DOCK2: variants seen among roughly 807,000 people sequenced by gnomAD.
DOCK2 encodes dedicator of cytokinesis protein 2.
Under a neutral mutation model 248.9 loss-of-function variants are expected in DOCK2, and 87 were observed. That is an observed-to-expected ratio of 0.35 (90% CI 0.29 to 0.42). The LOEUF is 0.42. Ranked by LOEUF, DOCK2 falls within the 10% of genes least tolerant of loss-of-function variation. The probability of loss-of-function intolerance (pLI) is 1.00; values close to 1 mark genes in which losing one functional copy is unlikely to be tolerated. For synonymous variants in DOCK2, 805 were observed against 821.6 expected (o/e 0.98, Z 0.35); for missense variants, 1,747 against 2,300.2 (o/e 0.76, Z 4.92).
chr5:170,069,646 G>C (rs1437841683), intron 46 of DOCK2, among the ~76,000 whole-genome samples: 2 of 152,076 alleles, frequency 1.3e-5, no homozygotes, highest in Non-Finnish European at 2.9e-5. Context: ...GACCCACTTT[G>C]TTGCAATAAT....
rs565407045 is a variant in DOCK2, at chr5:169,781,085, T to G, written c.2554+19460T>G. Among the ~76,000 whole-genome samples, 13 of 152,290 alleles carry G rather than the reference T, an allele frequency of 8.5e-5. No individual in the cohort carries two copies. The South Asian group carries it at 2.7e-3, about 32-fold the overall frequency. The stretch of plus-strand genomic sequence containing the variant: ...GGGCGGAAACCAGCCTTGGACAGGA[T>G]GCCATTCCGTCACGAGGTGCACTCA... On this transcript the variant is annotated intron_variant, in intron 25 of 51. Transcript: ENST00000520908.
chr5:169,884,041 GA>G (rs1772829734), intron 27 of DOCK2: 3 of 704,336 alleles, frequency 4.3e-6, no homozygotes, highest in Non-Finnish European at 6.3e-6. Flanking sequence ...CTTAGTATGG[GA>G]AATCCTGTTG....
chr5:169,942,236 G>A (rs1180635271), intron 27 of DOCK2, among the ~76,000 whole-genome samples: 2 of 152,150 alleles, frequency 1.3e-5, no homozygotes, highest in African/African-American at 4.8e-5. Context: ...CAACTGTCAA[G>A]GCAATAAAAA....
chr5:169,683,139 A>G (rs35174648), intron 7 of DOCK2, among the ~76,000 whole-genome samples: 49,537 of 152,142 alleles, frequency 0.33, 8,282 homozygotes, highest in Middle Eastern at 0.46. Context: ...CTTTTGGGCA[A>G]TACTTAGCAG....
chr5:170,031,201 G>A (rs968541794), intron 34 of DOCK2, among the ~76,000 whole-genome samples: 6 of 152,208 alleles, frequency 3.9e-5, no homozygotes, highest in African/African-American at 1.4e-4. Flanking sequence ...GAAGGTTGAA[G>A]CAGATAGATG....
intron 44 of DOCK2, among the ~76,000 whole-genome samples, chr5:170,060,661 G>A (rs1014380504): frequency 1.3e-5 from 2 of 152,200 alleles, no homozygotes; most frequent in African/African-American, 2.4e-5. Context: ...GGTCATGAGA[G>A]AGCACCTGTC....
At chr5:169,881,543 A>G in intron 27 of DOCK2, 1 of 867,084 alleles carries the variant, frequency 1.2e-6, no homozygotes, top group Admixed American at 2.1e-5. Flanking sequence ...CACAGCATTC[A>G]CGGTGCTCTG....
chr5:170,033,861 C>T lies in DOCK2; in HGVS notation c.3468-538C>T, dbSNP rs556565632. On this transcript the variant is annotated intron_variant, in intron 34 of 51. Transcript: ENST00000520908. ...CTTTTCATGCCCAGACATATTGAAT[C>T]TCTCCAATATTTTTAATGTCTTCAT... Among the ~76,000 whole-genome samples, 15 of 152,318 alleles carry T rather than the reference C, an allele frequency of 9.8e-5. No individual in the cohort carries two copies. In the South Asian group the frequency reaches 3.1e-3, roughly 32 times the overall value.
chr5:169,935,301 A>T (rs563024580), intron 27 of DOCK2, among the ~76,000 whole-genome samples: 3 of 152,266 alleles, frequency 2.0e-5, no homozygotes, highest in African/African-American at 7.2e-5. Flanking sequence ...ACTCGACCAA[A>T]AAAAGGTCTC....
At chr5:169,899,229 A>T (rs1469836410) in intron 27 of DOCK2, among the ~76,000 whole-genome samples, 1 of 152,216 alleles carries the variant, frequency 6.6e-6, no homozygotes, top group Non-Finnish European at 1.5e-5. Context: ...ATTGAACCAC[A>T]GCCTCCTTTT....
intron 1 of DOCK2, among the ~76,000 whole-genome samples, chr5:169,641,452 G>C (rs180947937): frequency 6.6e-6 from 1 of 152,220 alleles, no homozygotes; most frequent in Non-Finnish European, 1.5e-5. Context: ...CAGATTTGGC[G>C]TGGGCAATGT....
intron 25 of DOCK2, among the ~76,000 whole-genome samples, chr5:169,765,328 G>T (rs989246360): frequency 6.6e-6 from 1 of 152,148 alleles, no homozygotes; most frequent in Non-Finnish European, 1.5e-5. Flanking sequence ...CACCAGCCAG[G>T]TTCCCACATG....
At chr5:170,011,857 G>T (rs1228822085) in intron 32 of DOCK2, among the ~76,000 whole-genome samples, 1 of 152,210 alleles carries the variant, frequency 6.6e-6, no homozygotes, top group Non-Finnish European at 1.5e-5. Flanking sequence ...TGGAGGGGCA[G>T]TAGCCATCTT....
At chr5:169,904,110 A>AAG (rs1774132455) in intron 27 of DOCK2, among the ~76,000 whole-genome samples, 1 of 151,550 alleles carries the variant, frequency 6.6e-6, no homozygotes, top group African/African-American at 2.4e-5. Context: ...AAAAAAAAAA[A>AAG]AAGTTTAGGG....
At chr5:169,812,609 A>C (rs991867794) in intron 26 of DOCK2, among the ~76,000 whole-genome samples, 2 of 152,306 alleles carry the variant, frequency 1.3e-5, no homozygotes, top group African/African-American at 2.4e-5. Flanking sequence ...TATGATGAGG[A>C]TACTCTTTTC....
intron 26 of DOCK2, among the ~76,000 whole-genome samples, chr5:169,807,327 C>T (rs1417769412): frequency 3.3e-5 from 5 of 152,136 alleles, no homozygotes; most frequent in East Asian, 1.9e-4. Context: ...TTAGTCTGGA[C>T]GGTGGGGTCC....
chr5:169,872,935 G>T (rs1315248789), intron 27 of DOCK2, among the ~76,000 whole-genome samples: 2 of 152,282 alleles, frequency 1.3e-5, no homozygotes, highest in East Asian at 3.9e-4. Flanking sequence ...ATAGTGTTGG[G>T]CAAAATGCCT....
chr5:169,711,583 T>C (rs530925479), intron 15 of DOCK2, among the ~76,000 whole-genome samples: 57 of 152,364 alleles, frequency 3.7e-4, no homozygotes, highest in Middle Eastern at 3.4e-3. Context: ...TCCTGGAGTG[T>C]GTAAGGAAAA....
rs543062617 is a variant in DOCK2 at position 169,778,033 on chromosome 5, G to T, written c.2554+16408G>T. Reference sequence around the variant, plus strand: ...TCCCTCCTGAGGTTTGTGGTCCTAAGCTAACTGTAACCTAGGGTTCAGGGT... The same window carrying T: ...TCCCTCCTGAGGTTTGTGGTCCTAATCTAACTGTAACCTAGGGTTCAGGGT... On this transcript the variant is annotated intron_variant, in intron 25 of 51. Transcript: ENST00000520908. Among the ~76,000 whole-genome samples the T allele has an allele frequency of 7.9e-5, 12 of 152,304 alleles. No homozygotes were observed. The South Asian group carries it at 2.5e-3, about 32-fold the overall frequency.
Sources: allele counts gnomAD v4.1 joint callset (sites outside exome capture counted in the v4.1 genomes callset), GRCh38; gene constraint gnomAD v4.1.1; transcripts MANE v1.5; gene names NCBI Gene and HGNC (gene_info 2026-07-23, HGNC 2026-07-21).